CDIN1: variants seen among roughly 807,000 people sequenced by gnomAD.
CDIN1 encodes the protein CDAN1 interacting nuclease 1.
CDIN1 carries 33 observed loss-of-function variants against 45.3 expected under a neutral mutation model. That is an observed-to-expected ratio of 0.73 (90% CI 0.55 to 0.97). CDIN1 has a LOEUF of 0.97. Among genes scored for constraint, CDIN1 ranks in the 50% least tolerant of loss-of-function variants. The pLI, the probability that CDIN1 is intolerant of heterozygous loss-of-function variation, is 0.00. For missense variants in CDIN1, 303 were observed against 339.4 expected (o/e 0.89, Z 0.84); for synonymous variants, 118 against 124.4 (o/e 0.95, Z 0.34).
At chr15:36,800,938 T>TATATATATAC (rs1566984600) in intron 10 of CDIN1, among the ~76,000 whole-genome samples, 1 of 127,946 alleles carries the variant, frequency 7.8e-6, no homozygotes, top group Non-Finnish European at 1.7e-5. Context: ...TATATATATA[T>TATATATATAC]ATATATGATT....
At chr15:36,655,202 G>T (rs1371322404) in intron 4 of CDIN1, among the ~76,000 whole-genome samples, 1 of 152,066 alleles carries the variant, frequency 6.6e-6, no homozygotes, top group African/African-American at 2.4e-5. Flanking sequence ...TCTAAGCAAT[G>T]TCTACACAAT....
chr15:36,779,208 A>G (rs115135318), intron 10 of CDIN1, among the ~76,000 whole-genome samples: 6 of 152,330 alleles, frequency 3.9e-5, no homozygotes, highest in African/African-American at 1.4e-4. Flanking sequence ...AAACAATTAG[A>G]GTTCCCTAAA....
intron 10 of CDIN1, among the ~76,000 whole-genome samples, chr15:36,797,663 G>GT (rs554137659): frequency 0.11 from 16,334 of 152,130 alleles, 1,097 homozygotes; most frequent in African/African-American, 0.19. Flanking sequence ...ATATTTTTAA[G>GT]GCTCATTTTC....
intron 5 of CDIN1, among the ~76,000 whole-genome samples, chr15:36,678,397 G>A (rs989908074): frequency 3.3e-5 from 5 of 152,208 alleles, no homozygotes; most frequent in African/African-American, 1.2e-4. Context: ...ATACTAATTG[G>A]TATTTAGGCT....
rs115536326 is a variant in CDIN1, at chr15:36,612,104, C to T, written c.101+32143C>T. 3.7e-3 allele frequency among the ~76,000 whole-genome samples: 560 copies of T among 152,324 alleles called. 1 individual carries two copies. Among genetic ancestry groups the T allele is most frequent in the African/African-American group, 0.013 (527 of 41,566 alleles). On this transcript the variant is annotated intron_variant, in intron 1 of 10. Transcript: ENST00000566621. ...TAGAATCCTCCAGTTTTGACCAGAA[C>T]ATGACTTCCAAGAACAGAGGCGTCC... is the stretch of plus-strand genomic sequence containing the variant.
intron 1 of CDIN1, among the ~76,000 whole-genome samples, chr15:36,588,701 TA>T (rs2037423062): frequency 1.3e-5 from 2 of 152,180 alleles, no homozygotes; most frequent in Non-Finnish European, 2.9e-5. Context: ...ATTATTTTTT[TA>T]CTTTGTTGCT....
At chr15:36,711,911 G>A (rs1025988165) in intron 10 of CDIN1, among the ~76,000 whole-genome samples, 1 of 152,104 alleles carries the variant, frequency 6.6e-6, no homozygotes, top group Non-Finnish European at 1.5e-5. Flanking sequence ...CAAGCTGACC[G>A]GTGATAGAGT....
At chr15:36,624,000 A>G (rs2039313844) in intron 1 of CDIN1, among the ~76,000 whole-genome samples, 1 of 152,204 alleles carries the variant, frequency 6.6e-6, no homozygotes, top group African/African-American at 2.4e-5. Context: ...TAAATGAAAC[A>G]GTACCTGGTA....
chr15:36,615,490 T>G (rs1208939215), intron 1 of CDIN1, among the ~76,000 whole-genome samples: 1 of 152,140 alleles, frequency 6.6e-6, no homozygotes, highest in Admixed American at 6.5e-5. Context: ...AAAATAATAA[T>G]AATAAAAAGA....
At position 36,790,804 on chromosome 15, in the gene CDIN1, C is replaced by T. The variant is rs566439491; in HGVS notation, c.717-17520C>T. On this transcript the variant is annotated intron_variant, in intron 10 of 10. Transcript: ENST00000566621. The stretch of plus-strand genomic sequence containing the variant: ...TGAAAAGCAGTTAACTTTAACTTTT[C>T]TCTGAGTGTGCCAGTCAGCACCAAT... Among the ~76,000 whole-genome samples, 4 of 152,320 alleles carry T rather than the reference C, an allele frequency of 2.6e-5. No homozygotes were observed. The South Asian group carries it at 8.3e-4, about 32-fold the overall frequency.
intron 10 of CDIN1, among the ~76,000 whole-genome samples, chr15:36,724,317 C>T (rs910779908): frequency 6.6e-6 from 1 of 152,008 alleles, no homozygotes; most frequent in East Asian, 1.9e-4. Context: ...GGAAGGGGAC[C>T]GTATAGACTT....
chr15:36,745,008 G>A (rs1414813219), intron 10 of CDIN1, among the ~76,000 whole-genome samples: 1 of 152,100 alleles, frequency 6.6e-6, no homozygotes, highest in Non-Finnish European at 1.5e-5. Context: ...GTGAATAAGT[G>A]GTGATGTTCT....
At chr15:36,751,229 T>TTATATATATA (rs10557235) in intron 10 of CDIN1, among the ~76,000 whole-genome samples, 4,066 of 97,168 alleles carry the variant, frequency 0.042, 153 homozygotes, top group African/African-American at 0.047. Flanking sequence ...TATGCTTATT[T>TTATATATATA]TATATATATA....
intron 1 of CDIN1, among the ~76,000 whole-genome samples, chr15:36,639,282 A>G (rs1237556915): frequency 6.6e-6 from 1 of 152,202 alleles, no homozygotes; most frequent in Admixed American, 6.5e-5. Flanking sequence ...AAGCAATAAA[A>G]GTAACACTAC....
In CDIN1 at chr15:36,579,688, T is replaced by C; in HGVS notation, c.-173T>C. 1.7e-6 allele frequency: 1 copy of C among 575,084 alleles called. No homozygotes were observed. The highest frequency in any genetic ancestry group is 3.3e-5 in the Admixed American group (1 of 30,578). 35.6% of individuals were successfully genotyped at this position (575,084 alleles called of 1,614,324 possible). On this transcript the variant is annotated 5_prime_UTR_variant, in exon 1 of 11. Coordinates refer to ENST00000566621, the MANE Select transcript of CDIN1 (RefSeq NM_001321759.2). The stretch of plus-strand genomic sequence containing the variant: ...GGTGGAGCCTGGGACCGGGCGAGTC[T>C]CCGCCCCGCTTTTGCAGCTAGGGGT...
chr15:36,697,279 G>A, intron 7 of CDIN1, 44 bp from the exon 8 acceptor site: 1 of 1,546,584 alleles, frequency 6.5e-7, no homozygotes, highest in Non-Finnish European at 8.9e-7. Flanking sequence ...TTTTCCTGCT[G>A]GTATAATTCT....
chr15:36,707,616 TC>T (rs1273291647), intron 8 of CDIN1: 1 of 152,200 alleles, frequency 6.6e-6, no homozygotes, highest in African/African-American at 2.4e-5. Context: ...AGAAACGTAA[TC>T]ATTTTTCTTT....
intron 1 of CDIN1, among the ~76,000 whole-genome samples, chr15:36,598,650 G>A (rs965121778): frequency 6.6e-5 from 10 of 152,042 alleles, no homozygotes; most frequent in Admixed American, 1.3e-4. Context: ...CAAGTGCCAC[G>A]TCTAATCTAT....
chr15:36,631,535 C>T (rs567531442), intron 1 of CDIN1, among the ~76,000 whole-genome samples: 10 of 152,224 alleles, frequency 6.6e-5, no homozygotes, highest in African/African-American at 2.4e-4. Context: ...CTGGATGTTT[C>T]CATTCATATA....
Sources: allele counts gnomAD v4.1 joint callset (sites outside exome capture counted in the v4.1 genomes callset), GRCh38; gene constraint gnomAD v4.1.1; transcripts MANE v1.5; gene names NCBI Gene and HGNC (gene_info 2026-07-23, HGNC 2026-07-21).